Variants in NAALADL2 observed in about 807,000 individuals in gnomAD.
NAALADL2 encodes inactive N-acetylated-alpha-linked acidic dipeptidase-like protein 2.
Under a neutral mutation model 87.2 loss-of-function variants are expected in NAALADL2, and 76 were observed. The ratio of observed to expected loss-of-function variants is 0.87; its 90% CI spans 0.72 to 1.05. The LOEUF is 1.05. Ranked by LOEUF, NAALADL2 falls within the 50% of genes least tolerant of loss-of-function variation. NAALADL2 has a pLI of 0.00. For missense variants in NAALADL2, 1,089 were observed against 945.8 expected, an observed-to-expected ratio of 1.15 and a Z score of -1.99; for synonymous variants, 354 against 331.0, an observed-to-expected ratio of 1.07 and a Z score of -0.75.
At chr3:174,725,484 A>G (rs1732094709) in intron 2 of NAALADL2, among the ~76,000 whole-genome samples, 1 of 152,142 alleles carries the variant, frequency 6.6e-6, no homozygotes, top group African/African-American at 2.4e-5. Flanking sequence ...TTCCAAGGGT[A>G]ATGACGTAAT....
chr3:175,587,762 T>A (rs1266731211), intron 10 of NAALADL2, among the ~76,000 whole-genome samples: 1 of 152,138 alleles, frequency 6.6e-6, no homozygotes, highest in Non-Finnish European at 1.5e-5. Context: ...TTTGACCCCG[T>A]CTCGTACCAT....
intron 1 of NAALADL2, among the ~76,000 whole-genome samples, chr3:175,010,649 C>G (rs931081531): frequency 1.3e-5 from 2 of 152,144 alleles, no homozygotes; most frequent in Admixed American, 1.3e-4. Context: ...TTTGGGCCAA[C>G]TGAAAGAGAA....
intron 3 of NAALADL2, among the ~76,000 whole-genome samples, chr3:174,850,501 C>A (rs1725124359): frequency 6.6e-6 from 1 of 151,944 alleles, no homozygotes; most frequent in Non-Finnish European, 1.5e-5. Flanking sequence ...GATTTCAAGA[C>A]AAAAACTGTA....
intron 1 of NAALADL2, among the ~76,000 whole-genome samples, chr3:174,982,739 C>A (rs974298081): frequency 2.0e-5 from 3 of 152,116 alleles, no homozygotes; most frequent in African/African-American, 7.2e-5. Context: ...ATATGCAAAG[C>A]TATTGGCAAA....
At chr3:174,505,498 T>C (rs1014899081) in intron 1 of NAALADL2, among the ~76,000 whole-genome samples, 1 of 152,228 alleles carries the variant, frequency 6.6e-6, no homozygotes, top group African/African-American at 2.4e-5. Flanking sequence ...CAAACCACAG[T>C]TTCATTCTAT....
At chr3:175,096,493 G>GGC (rs1372207977) in intron 1 of NAALADL2, among the ~76,000 whole-genome samples, 1 of 117,844 alleles carries the variant, frequency 8.5e-6, no homozygotes, top group Non-Finnish European at 1.8e-5. Flanking sequence ...AGATTAATGG[G>GGC]GCGTGTGTGT....
At chr3:175,153,352 A>G (rs772815440) in intron 2 of NAALADL2, among the ~76,000 whole-genome samples, 4 of 152,130 alleles carry the variant, frequency 2.6e-5, no homozygotes, top group African/African-American at 4.8e-5. Flanking sequence ...TCTGTGATGC[A>G]GTGAGGCCTA....
chr3:175,296,988 A>T (rs1463537891), intron 4 of NAALADL2, among the ~76,000 whole-genome samples: 1 of 152,156 alleles, frequency 6.6e-6, no homozygotes, highest in East Asian at 1.9e-4. Flanking sequence ...GAGGCCACAG[A>T]GGGGTCCTGT....
At chr3:175,148,455 T>C (rs1580697077) in intron 2 of NAALADL2, among the ~76,000 whole-genome samples, 1 of 152,234 alleles carries the variant, frequency 6.6e-6, no homozygotes, top group East Asian at 1.9e-4. Context: ...TTAGGTCAAT[T>C]TTCTCAATTT....
intron 2 of NAALADL2, among the ~76,000 whole-genome samples, chr3:175,137,742 GGCACC>G (rs1480024711): frequency 1.3e-5 from 2 of 150,484 alleles, no homozygotes; most frequent in African/African-American, 2.4e-5. Flanking sequence ...TGGGATTACA[GGCACC>G]GCCACCACAC....
intron 12 of NAALADL2, among the ~76,000 whole-genome samples, chr3:175,741,027 G>T (rs1745169034): frequency 6.6e-6 from 1 of 152,176 alleles, no homozygotes. Flanking sequence ...ACACAAGAGA[G>T]TAAAGGGAGA....
intron 2 of NAALADL2, among the ~76,000 whole-genome samples, chr3:175,127,888 G>A (rs868720745): frequency 1.3e-5 from 2 of 152,024 alleles, no homozygotes; most frequent in African/African-American, 2.4e-5. Context: ...TGAAAGACAC[G>A]TGATATAAAA....
chr3:174,473,663 T>A (rs1312068543), intron 1 of NAALADL2, among the ~76,000 whole-genome samples: 1 of 151,990 alleles, frequency 6.6e-6, no homozygotes, highest in Non-Finnish European at 1.5e-5. Flanking sequence ...TTGGAAGGTC[T>A]TTTTTTTCAT....
At position 174,676,633 on chromosome 3, in the gene NAALADL2, T is replaced by C. The variant is rs181505704; in HGVS notation, c.-114-61008T>C. 2.0e-5 allele frequency among the ~76,000 whole-genome samples: 3 copies of C among 152,094 alleles called. No homozygotes were observed. The East Asian group carries it at 5.8e-4, about 29-fold the overall frequency. On this transcript the variant is annotated intron_variant, in intron 2 of 3. Coordinates refer to the NAALADL2 transcript ENST00000434257. ...ATCTATAAGTAATAACATTTTAGAA[T>C]AGATTTATGTGAGACAGTATATGTA...
At chr3:175,630,025 G>A (rs573632170) in intron 11 of NAALADL2, among the ~76,000 whole-genome samples, 5 of 151,644 alleles carry the variant, frequency 3.3e-5, no homozygotes, top group Admixed American at 2.0e-4. Context: ...CAAGAGTTCC[G>A]TGAGGTTTTT....
At chr3:175,260,707 T>C (rs1750879558) in intron 4 of NAALADL2, among the ~76,000 whole-genome samples, 1 of 152,170 alleles carries the variant, frequency 6.6e-6, no homozygotes, top group Admixed American at 6.5e-5. Flanking sequence ...GTTCATTTTA[T>C]TTTGGCTGTG....
chr3:175,286,826 T>A (rs1755030111), intron 4 of NAALADL2, among the ~76,000 whole-genome samples: 1 of 152,180 alleles, frequency 6.6e-6, no homozygotes, highest in South Asian at 2.1e-4. Context: ...ATGCGGTAAC[T>A]CATGCCTGTA....
chr3:174,766,051 G>T (rs1713766544), intron 3 of NAALADL2, among the ~76,000 whole-genome samples: 1 of 152,128 alleles, frequency 6.6e-6, no homozygotes, highest in African/African-American at 2.4e-5. Context: ...TTGGCATTTT[G>T]TTCACAATTT....
At chr3:174,532,343 C>T (rs769370436) in intron 1 of NAALADL2, among the ~76,000 whole-genome samples, 1 of 152,092 alleles carries the variant, frequency 6.6e-6, no homozygotes, top group Non-Finnish European at 1.5e-5. Flanking sequence ...TGATGCCAAA[C>T]CAAACTCAGG....
Sources: allele counts gnomAD v4.1 joint callset (sites outside exome capture counted in the v4.1 genomes callset), GRCh38; gene constraint gnomAD v4.1.1; transcripts MANE v1.5; gene names NCBI Gene and HGNC (gene_info 2026-07-23, HGNC 2026-07-21).